ARHGAP18: variants seen among roughly 807,000 people sequenced by gnomAD.
The protein encoded by ARHGAP18 is Rho GTPase activating protein 18, also known as rho GTPase-activating protein 18.
A neutral mutation model predicts 86.2 loss-of-function variants in ARHGAP18; 67 were observed. The observed-to-expected ratio is 0.78, with a 90% CI of 0.64 to 0.95. The LOEUF (loss-of-function observed/expected upper bound fraction) is 0.95. ARHGAP18 is among the 40% of genes least tolerant of loss of function. ARHGAP18 has a pLI of 0.00. For synonymous variants in ARHGAP18, 283 were observed against 280.4 expected (o/e 1.01, Z -0.09); for missense variants, 691 against 780.4 (o/e 0.89, Z 1.37).
intron 1 of ARHGAP18, among the ~76,000 whole-genome samples, chr6:129,679,404 T>G (rs1774287711): frequency 6.6e-6 from 1 of 152,208 alleles, no homozygotes; most frequent in Non-Finnish European, 1.5e-5. Context: ...AAAAGCAGAT[T>G]GGAGTCCTGA....
At chr6:129,682,980 T>C (rs1451182818) in intron 1 of ARHGAP18, among the ~76,000 whole-genome samples, 1 of 152,194 alleles carries the variant, frequency 6.6e-6, no homozygotes, top group East Asian at 1.9e-4. Context: ...TTCTCCTTTC[T>C]GTTTTTACCA....
chr6:129,643,317 G>A (rs1214293056), intron 1 of ARHGAP18, among the ~76,000 whole-genome samples: 1 of 152,088 alleles, frequency 6.6e-6, no homozygotes, highest in Non-Finnish European at 1.5e-5. Context: ...TTTAATCATG[G>A]GGGCAGTTAC....
At chr6:129,579,770 T>C (rs576850893) in intron 14 of ARHGAP18, among the ~76,000 whole-genome samples, 2 of 152,298 alleles carry the variant, frequency 1.3e-5, no homozygotes, top group South Asian at 4.1e-4. Context: ...GTGACATGAG[T>C]ATATTACAAA....
intron 12 of ARHGAP18, among the ~76,000 whole-genome samples, chr6:129,592,383 G>A (rs538026289): frequency 5.9e-5 from 9 of 152,202 alleles, no homozygotes; most frequent in Non-Finnish European, 1.2e-4. Context: ...CCGCACTGCT[G>A]CCAATGCCAG....
At chr6:129,601,934 A>AT (rs1385869161) in intron 10 of ARHGAP18, among the ~76,000 whole-genome samples, 4 of 151,862 alleles carry the variant, frequency 2.6e-5, no homozygotes, top group Non-Finnish European at 5.9e-5. Context: ...CCAGCTGAGA[A>AT]TTTTTTTTAA....
chr6:129,676,915 CTTTTT>C (rs10688716), intron 1 of ARHGAP18, among the ~76,000 whole-genome samples: 974 of 37,720 alleles, frequency 0.026, 27 homozygotes, highest in Middle Eastern at 0.071. Flanking sequence ...TTTTTGTCCT[CTTTTT>C]TTTTTTTTTT....
chr6:129,625,541 TTATA>T (rs1171626926), intron 5 of ARHGAP18, among the ~76,000 whole-genome samples: 1 of 54,816 alleles, frequency 1.8e-5, no homozygotes, highest in Non-Finnish European at 3.4e-5. Context: ...ACATTATATA[TTATA>T]TATATTTATT....
chr6:129,582,663 C>T (rs866390908), intron 13 of ARHGAP18, among the ~76,000 whole-genome samples: 7 of 152,302 alleles, frequency 4.6e-5, no homozygotes, highest in Middle Eastern at 3.4e-3. Context: ...CACATCTACT[C>T]TCAGTCTCTG....
rs151091767 is a variant in ARHGAP18, at chr6:129,690,750, G to A, written c.113+19274C>T. ...ACTATAATTTCACCAGCTTAATAACGTATGTCACAATCTAGAAGATTCATG... is the reference window on the plus strand; with the variant it reads ...ACTATAATTTCACCAGCTTAATAACATATGTCACAATCTAGAAGATTCATG... On this transcript the variant is annotated intron_variant, in intron 1 of 14. Coordinates refer to ENST00000368149, the MANE Select transcript of ARHGAP18 (RefSeq NM_033515.3). Among the ~76,000 whole-genome samples, 1,147 of 152,136 alleles carry A rather than the reference G, an allele frequency of 7.5e-3. 9 individuals are homozygous for A. The highest frequency in any genetic ancestry group is 0.02 in the African/African-American group (812 of 41,532).
At chr6:129,585,245 C>T (rs1037369757) in intron 12 of ARHGAP18, among the ~76,000 whole-genome samples, 3 of 151,094 alleles carry the variant, frequency 2.0e-5, no homozygotes, top group African/African-American at 4.9e-5. Flanking sequence ...TGAGCTGAGA[C>T]GCACTCCAGC....
intron 7 of ARHGAP18, among the ~76,000 whole-genome samples, chr6:129,614,363 G>C (rs948632787): frequency 6.6e-6 from 1 of 152,016 alleles, no homozygotes; most frequent in South Asian, 2.1e-4. Flanking sequence ...AATTCACAAG[G>C]GATGCAAACA....
At chr6:129,675,323 G>C (rs1774210537) in intron 1 of ARHGAP18, among the ~76,000 whole-genome samples, 1 of 150,106 alleles carries the variant, frequency 6.7e-6, no homozygotes, top group Admixed American at 6.7e-5. Context: ...GGCAGAGCTT[G>C]CAGTGAACCG....
chr6:129,689,863 G>A (rs1037325909), intron 1 of ARHGAP18, among the ~76,000 whole-genome samples: 3 of 152,092 alleles, frequency 2.0e-5, no homozygotes, highest in Admixed American at 2.0e-4. Flanking sequence ...GATTCTTTGT[G>A]TACCTCCCAC....
Position 129,625,777 on chromosome 6 carries a change from ATATATATAATATATATTTT to A in ARHGAP18, c.786+3557_786+3575del, listed in dbSNP as rs1562698258. ...ATATATTTATATATTATATATATTT[ATATATATAATATATATTTT>A]TATATTATATATTATATATTTATAT... On this transcript the variant is annotated intron_variant, in intron 5 of 14. Transcript: ENST00000368149. Among the ~76,000 whole-genome samples the A allele has an allele frequency of 1.5e-3, 70 of 46,804 alleles. 17 individuals are homozygous for A. Among genetic ancestry groups the A allele is most frequent in the Non-Finnish European group, 2.2e-3 (57 of 26,394 alleles). 30.7% of individuals were successfully genotyped at this position (46,804 alleles called of 152,430 possible).
intron 1 of ARHGAP18, 29 bp downstream of exon 1, chr6:129,709,995 T>C: frequency 6.4e-7 from 1 of 1,567,460 alleles, no homozygotes. Context: ...AAGAGGGTTT[T>C]GTTTTGTTTT....
chr6:129,594,888 T>C (rs1043190121), intron 12 of ARHGAP18, among the ~76,000 whole-genome samples: 2 of 152,318 alleles, frequency 1.3e-5, no homozygotes, highest in East Asian at 1.9e-4. Context: ...TCCATGTTCA[T>C]TGTATTACCA....
At chr6:129,615,936 T>C (rs967224279) in intron 7 of ARHGAP18, among the ~76,000 whole-genome samples, 3 of 152,200 alleles carry the variant, frequency 2.0e-5, no homozygotes, top group Non-Finnish European at 4.4e-5. Flanking sequence ...CCCACTCCTA[T>C]GTATTATAGA....
At chr6:129,640,042 C>CAACAA (rs1773417517) in intron 2 of ARHGAP18, among the ~76,000 whole-genome samples, 1 of 72,892 alleles carries the variant, frequency 1.4e-5, no homozygotes, top group Non-Finnish European at 2.5e-5. Flanking sequence ...GAGACTGTCT[C>CAACAA]AAAAAAAAAA....
intron 5 of ARHGAP18, among the ~76,000 whole-genome samples, chr6:129,619,815 C>T (rs1444942970): frequency 1.3e-5 from 2 of 151,854 alleles, no homozygotes; most frequent in African/African-American, 4.8e-5. Flanking sequence ...AAGGCTACAG[C>T]CCATTGGGGT....
Sources: allele counts gnomAD v4.1 joint callset (sites outside exome capture counted in the v4.1 genomes callset), GRCh38; gene constraint gnomAD v4.1.1; transcripts MANE v1.5; gene names NCBI Gene and HGNC (gene_info 2026-07-23, HGNC 2026-07-21).